The following FAM98B variants were observed in gnomAD, a reference collection of about 807,000 sequenced individuals.
The protein encoded by FAM98B is tRNA-splicing ligase complex subunit FAM98B.
A neutral mutation model predicts 43.9 loss-of-function variants in FAM98B; 32 were observed. That is an observed-to-expected ratio of 0.73 (90% CI 0.55 to 0.98). The LOEUF (loss-of-function observed/expected upper bound fraction) is 0.98, where lower values mean the gene tolerates loss of function less well. FAM98B is among the 50% of genes least tolerant of loss of function. The pLI is 0.00. For synonymous variants in FAM98B, 190 were observed against 174.0 expected (o/e 1.09, Z -0.72); for missense variants, 514 against 522.9 (o/e 0.98, Z 0.17).
rs1890371895 is a variant in FAM98B at position 38,486,332 on chromosome 15, A to G, written c.*1673A>G. 1 of 152,188 alleles carries G rather than the reference A, an allele frequency of 6.6e-6. No homozygotes were observed. Among genetic ancestry groups the G allele is most frequent in the Non-Finnish European group, 1.5e-5 (1 of 67,996 alleles). The allele number at this position is 152,188 out of a possible 1,614,324, so 9.4% of individuals were successfully genotyped here. ...TTATCAGTAGCTATGAACTCTGAAA[A>G]ATAATTTTTAAAAACTTTTAAGAAA... is the stretch of plus-strand genomic sequence containing the variant. On this transcript the variant is annotated 3_prime_UTR_variant, in exon 8 of 8. Transcript: ENST00000397609.
At chr15:38,464,582 G>C (rs1166698807) in intron 2 of FAM98B, among the ~76,000 whole-genome samples, 2 of 151,888 alleles carry the variant, frequency 1.3e-5, no homozygotes, top group Non-Finnish European at 2.9e-5. Context: ...TGTAGCTCAG[G>C]ATATGGATTC....
chr15:38,461,048 C>T (rs967468764), intron 1 of FAM98B, among the ~76,000 whole-genome samples: 1 of 151,884 alleles, frequency 6.6e-6, no homozygotes, highest in African/African-American at 2.4e-5. Context: ...ATCTGATGAG[C>T]TAAGGCATTA....
At position 38,485,569 on chromosome 15, in the gene FAM98B, A is replaced by G. The variant is rs1392678679; in HGVS notation, c.*910A>G. 6.6e-6 allele frequency: 1 copy of G among 152,240 alleles called. No individual in the cohort carries two copies. The highest frequency in any genetic ancestry group is 1.9e-4 in the East Asian group (1 of 5,194). 9.4% of individuals were successfully genotyped at this position (152,240 alleles called of 1,614,324 possible). ...TCTGATTCACAGCTAGATTTGGGAA[A>G]CACAAAGTTAGGGAATGGCTATATG... On this transcript the variant is annotated 3_prime_UTR_variant, in exon 8 of 8. Coordinates refer to ENST00000397609, the MANE Select transcript of FAM98B (RefSeq NM_173611.4).
At chr15:38,466,241 G>GCAT (rs1890029901) in intron 3 of FAM98B, among the ~76,000 whole-genome samples, 3 of 150,054 alleles carry the variant, frequency 2.0e-5, no homozygotes, top group Admixed American at 2.0e-4. Flanking sequence ...AAAAGTATTG[G>GCAT]CATTGAAATT....
At chr15:38,477,869 C>T (rs189513135) in intron 6 of FAM98B, among the ~76,000 whole-genome samples, 34 of 152,184 alleles carry the variant, frequency 2.2e-4, no homozygotes, top group Admixed American at 7.8e-4. Context: ...AAGTTACCAA[C>T]GAAGCAGATG....
At chr15:38,464,233 G>A (rs11855285) in intron 2 of FAM98B, 56 bp downstream of exon 2, 28,010 of 1,477,012 alleles carry the variant, frequency 0.019, 1,067 homozygotes, top group African/African-American at 0.15. Flanking sequence ...GATAACTTAC[G>A]GTTTATAGTT....
chr15:38,462,686 AATAAAAATGT>A (rs1207006383), intron 1 of FAM98B, among the ~76,000 whole-genome samples: 2 of 152,196 alleles, frequency 1.3e-5, no homozygotes, highest in African/African-American at 4.8e-5. Context: ...AGAGAAGATA[AATAAAAATGT>A]AAAACAAAAT....
chr15:38,474,676 A>G (rs1890172305), intron 6 of FAM98B, among the ~76,000 whole-genome samples: 1 of 152,200 alleles, frequency 6.6e-6, no homozygotes, highest in Non-Finnish European at 1.5e-5. Flanking sequence ...TTAAGGCTGG[A>G]TGAATATAGA....
At chr15:38,480,562 T>A (rs1890266909) in intron 6 of FAM98B, among the ~76,000 whole-genome samples, 1 of 149,696 alleles carries the variant, frequency 6.7e-6, no homozygotes, top group Non-Finnish European at 1.5e-5. Context: ...GAAACTAACT[T>A]AAGCTTTCTA....
Position 38,473,538 on chromosome 15 carries a change from C to A in FAM98B, c.565C>A (p.His189Asn). The A allele has an allele frequency of 1.2e-6, 2 of 1,610,316 alleles. No individual in the cohort carries two copies. The highest frequency in any genetic ancestry group is 3.4e-5 in the Admixed American group (2 of 59,470). Residue 189 changes from histidine to asparagine, a missense_variant, in exon 5 of 8, where the codon CAT becomes AAT. This residue lies in a region of FAM98B where 469 missense variants were observed against 451.8 expected (regional missense o/e 1.04). Transcript: ENST00000397609. ...KDILSKVQKNHVGKPLLKMDL... is the reference protein window; with the variant it reads ...KDILSKVQKNNVGKPLLKMDL... ...TATTCTCTCAAAGGTCCAGAAAAAT[C>A]ATGTGGGAAAACCACTGCTGAAAAT...
At chr15:38,477,496 T>C (rs1265903423) in intron 6 of FAM98B, among the ~76,000 whole-genome samples, 1 of 152,168 alleles carries the variant, frequency 6.6e-6, no homozygotes, top group Non-Finnish European at 1.5e-5. Context: ...TTCAGTATGA[T>C]TCATTTACCT....
rs1890353417 is a variant in FAM98B at position 38,485,336 on chromosome 15, G to A, written c.*677G>A. 6.6e-6 allele frequency: 1 copy of A among 152,238 alleles called. No individual in the cohort carries two copies. The highest frequency in any genetic ancestry group is 6.5e-5 in the Admixed American group (1 of 15,286). The allele number at this position is 152,238 out of a possible 1,614,324, so 9.4% of individuals were successfully genotyped here. Reference sequence around the variant, plus strand: ...TGACAAAGCAAAGTTTAAGATTGAGGTCAGAAATACTTTAATGGAGCAAAG... The same window carrying A: ...TGACAAAGCAAAGTTTAAGATTGAGATCAGAAATACTTTAATGGAGCAAAG... On this transcript the variant is annotated 3_prime_UTR_variant, in exon 8 of 8. Coordinates refer to ENST00000397609, the MANE Select transcript of FAM98B (RefSeq NM_173611.4).
In FAM98B at chr15:38,484,293, G is replaced by T; in HGVS notation, c.936G>T (p.Pro312=). 1 of 1,549,028 alleles carries T rather than the reference G, an allele frequency of 6.5e-7. No individual in the cohort carries two copies. Among genetic ancestry groups the T allele is most frequent in the Non-Finnish European group, 8.7e-7 (1 of 1,146,764 alleles). Residue 312 remains proline, a synonymous_variant, in exon 8 of 8, where the codon CCG becomes CCT. Transcript: ENST00000397609. ...MGRVPDRGGR[P]NEIEPPPPEM... ...GGGTGCCTGACAGGGGAGGCCGGCCGAATGAAATTGAACCACCACCTCCAG... is the reference window on the plus strand; with the variant it reads ...GGGTGCCTGACAGGGGAGGCCGGCCTAATGAAATTGAACCACCACCTCCAG...
chr15:38,458,136 A>G lies in FAM98B; in HGVS notation c.71+3904A>G, dbSNP rs552139893. Among the ~76,000 whole-genome samples the G allele has an allele frequency of 7.1e-4, 108 of 152,320 alleles. 2 individuals carry two copies. In the South Asian group the frequency reaches 0.016, roughly 23 times the overall value. The stretch of plus-strand genomic sequence containing the variant: ...GGGAGACACAGAAAGGGCCCATGCC[A>G]GGCACTTAGCTAGAGGCAAGCGTAG... On this transcript the variant is annotated intron_variant, in intron 1 of 7. Transcript: ENST00000397609.
rs370977506 is a variant in FAM98B at position 38,456,782 on chromosome 15, A to G, written c.71+2550A>G. On this transcript the variant is annotated intron_variant, in intron 1 of 7. Transcript: ENST00000397609. ...AAAGATATCCTTACAGTGAGAAGAA[A>G]ATGTGAAGACTTTGAAATGTGAAGG... Among the ~76,000 whole-genome samples the G allele has an allele frequency of 1.4e-4, 21 of 152,292 alleles. No homozygotes were observed. The East Asian group carries it at 3.5e-3, about 25-fold the overall frequency.
chr15:38,483,732 A>G (rs1482970512), intron 7 of FAM98B: 1 of 148,054 alleles, frequency 6.8e-6, no homozygotes, highest in Non-Finnish European at 1.5e-5. Flanking sequence ...TTTGTCATGT[A>G]TCACACATTT....
chr15:38,475,232 A>G (rs546839079), intron 6 of FAM98B, among the ~76,000 whole-genome samples: 6 of 152,200 alleles, frequency 3.9e-5, no homozygotes, highest in South Asian at 2.1e-4. Context: ...TTTTGGCATG[A>G]AACTGTTCCA....
Position 38,481,181 on chromosome 15 carries a change from C to T in FAM98B, c.730-111C>T, listed in dbSNP as rs549269634. 58 of 875,744 alleles carry T rather than the reference C, an allele frequency of 6.6e-5. 2 individuals carry two copies. In the South Asian group the frequency reaches 9.6e-4, roughly 14 times the overall value. 54.2% of individuals were successfully genotyped at this position (875,744 alleles called of 1,614,324 possible). A position where few individuals can be genotyped will look rare whatever the true frequency, so the allele number is the denominator to read the frequency against. ...TTTGGGTGTTTTTGCTCTTTTCTAACTCCTTGCTTATGCATTATCTCCTTT... is the reference window on the plus strand; with the variant it reads ...TTTGGGTGTTTTTGCTCTTTTCTAATTCCTTGCTTATGCATTATCTCCTTT... On this transcript the variant is annotated intron_variant, in intron 6 of 7. Transcript: ENST00000397609.
intron 5 of FAM98B, 93 bp from the exon 6 acceptor site, chr15:38,474,089 T>G: frequency 1.2e-6 from 1 of 815,962 alleles, no homozygotes; most frequent in South Asian, 1.6e-5. Flanking sequence ...ATCTTTTGAC[T>G]CAGTAGGAAG....
Sources: allele counts gnomAD v4.1 joint callset (sites outside exome capture counted in the v4.1 genomes callset), GRCh38; gene constraint gnomAD v4.1.1; regional missense constraint gnomAD v4.1.1; transcripts MANE v1.5; gene names NCBI Gene and HGNC (gene_info 2026-07-23, HGNC 2026-07-21).